The following PPL variants were observed in gnomAD, a reference collection of about 807,000 sequenced individuals.
The protein encoded by PPL is periplakin.
A neutral mutation model predicts 194.4 loss-of-function variants in PPL; 198 were observed. That is an observed-to-expected ratio of 1.02 (90% CI 0.91 to 1.15). The LOEUF (loss-of-function observed/expected upper bound fraction) is 1.15. Ranked by LOEUF, PPL falls within the 50% of genes most tolerant of loss-of-function variation. The pLI is 0.00. For synonymous variants in PPL, 1,220 were observed against 972.4 expected (o/e 1.25, Z -4.74); for missense variants, 2,885 against 2,294.8 (o/e 1.26, Z -5.25).
chr16:4,883,734 C>T lies in PPL; in HGVS notation c.4921G>A (p.Gly1641Ser). 1 of 1,614,030 alleles carries T rather than the reference C, an allele frequency of 6.2e-7. No individual in the cohort carries two copies. Among genetic ancestry groups the T allele is most frequent in the Non-Finnish European group, 8.5e-7 (1 of 1,180,026 alleles). ...TGCTCCCGCTTGACGGCCACGGAGCCCAGGCGCTTCTGCAGCTCGTCGATC... is the reference window on the plus strand; with the variant it reads ...TGCTCCCGCTTGACGGCCACGGAGCTCAGGCGCTTCTGCAGCTCGTCGATC... ...LEIDELQKRLGSVAVKREQRE... is the reference protein window; with the variant it reads ...LEIDELQKRLSSVAVKREQRE... The change falls in exon 22 of 22, where the codon GGC (glycine) becomes AGC (serine). Residue 1641 changes from glycine to serine, a missense_variant. Gly to Ser is a moderately conservative substitution (Grantham distance 56). Transcript: ENST00000345988. The surrounding 1 kb of genome is among the most constrained non-coding windows in gnomAD (Gnocchi z 4.8).
intron 6 of PPL, 91 bp from the exon 7 acceptor site, chr16:4,899,475 C>CTGGCCTGAGGACAAGCCCAGCTACGGG: frequency 2.8e-6 from 2 of 709,086 alleles, no homozygotes; most frequent in Non-Finnish European, 4.6e-6. Flanking sequence ...CCAGCTATGG[C>CTGGCCTGAGGACAAGCCCAGCTACGGG]TGGCCTGAGG....
At position 4,895,287 on chromosome 16, in the gene PPL, C is replaced by T. The variant is rs773092423; in HGVS notation, c.1216G>A (p.Ala406Thr). ...TGCTCCCCCTCAAAGTCACAGAGTG[C>T]CTCCACGGGGATGGGCTTGAGCGGA... ...ETPLKPIPVE[A>T]LCDFEGEQGL... Residue 406 changes from alanine (A) to threonine (T), a missense_variant, in exon 11 of 22, where the codon GCA becomes ACA. By Grantham distance (58) the Ala-to-Thr change is moderately conservative. Coordinates refer to ENST00000345988, the MANE Select transcript of PPL (RefSeq NM_002705.5). 38 of 1,610,356 alleles carry T rather than the reference C, an allele frequency of 2.4e-5. No individual in the cohort carries two copies. Among genetic ancestry groups the T allele is most frequent in the Non-Finnish European group, 3.1e-5 (37 of 1,178,290 alleles).
At position 4,893,390 on chromosome 16, in the gene PPL, ACAGG is replaced by A; in HGVS notation, c.1493-24_1493-21del. 6.2e-7 allele frequency: 1 copy of A among 1,602,984 alleles called. No individual in the cohort carries two copies. The highest frequency in any genetic ancestry group is 8.5e-7 in the Non-Finnish European group (1 of 1,178,490). ...AGGCATCTGTGGAGGGAGGGAGGACACAGGCAGGTGTGACAACGGGCCAGGGGTG... is the reference window on the plus strand; with the variant it reads ...AGGCATCTGTGGAGGGAGGGAGGACACAGGTGTGACAACGGGCCAGGGGTG... On this transcript the variant is annotated intron_variant, in intron 13 of 21. Transcript: ENST00000345988.
At chr16:4,918,158 T>C (rs1045915559) in intron 1 of PPL, among the ~76,000 whole-genome samples, 3 of 151,924 alleles carry the variant, frequency 2.0e-5, no homozygotes, top group African/African-American at 7.3e-5. Context: ...CCAGGCATGA[T>C]GGCAGGTACC....
At chr16:4,893,813 CTCT>C (rs1490579503) in intron 12 of PPL, 175 bp from the exon 13 acceptor site, 8 of 591,036 alleles carry the variant, frequency 1.4e-5, no homozygotes, top group Non-Finnish European at 2.4e-5. Flanking sequence ...GGGCTCAGAG[CTCT>C]TCTCCCTCCT....
At chr16:4,929,852 A>T (rs957504028) in intron 1 of PPL, among the ~76,000 whole-genome samples, 11 of 140,734 alleles carry the variant, frequency 7.8e-5, no homozygotes, top group Admixed American at 2.9e-4. Flanking sequence ...TGCCCAGCTA[A>T]TTTTTTTTTT....
At chr16:4,923,969 G>T (rs1049416085) in intron 1 of PPL, among the ~76,000 whole-genome samples, 1 of 152,178 alleles carries the variant, frequency 6.6e-6, no homozygotes, top group Non-Finnish European at 1.5e-5. Flanking sequence ...ATAACAGCAT[G>T]TATTACTCCA....
intron 1 of PPL, among the ~76,000 whole-genome samples, 186 bp from the exon 2 acceptor site, chr16:4,911,135 G>A (rs138148231): frequency 3.0e-3 from 451 of 150,206 alleles, no homozygotes; most frequent in African/African-American, 0.011. Flanking sequence ...ACAAGGCAGC[G>A]CCTGGCAGGC....
chr16:4,891,771 G>A, intron 16 of PPL, 40 bp downstream of exon 16: 1 of 1,574,670 alleles, frequency 6.4e-7, no homozygotes, highest in Non-Finnish European at 8.6e-7. Flanking sequence ...GCTCTCACCT[G>A]CTCAGAGAAG....
chr16:4,912,482 G>A (rs745559920), intron 1 of PPL, among the ~76,000 whole-genome samples: 37 of 152,226 alleles, frequency 2.4e-4, no homozygotes, highest in Non-Finnish European at 4.8e-4. Flanking sequence ...TCCACCTTTG[G>A]GCCATCGTGA....
intron 1 of PPL, among the ~76,000 whole-genome samples, chr16:4,930,035 G>C (rs1434453373): frequency 6.6e-6 from 1 of 152,098 alleles, no homozygotes; most frequent in African/African-American, 2.4e-5. Context: ...AGAGTAAGTG[G>C]AATTGCTCTG....
rs777331142 is a variant in PPL, at chr16:4,885,162, TCTC to T, written c.3490_3492del (p.Glu1164del). 95 of 1,613,906 alleles carry T rather than the reference TCTC, an allele frequency of 5.9e-5. 1 individual carries two copies. The highest frequency in any genetic ancestry group is 3.8e-4 in the South Asian group (35 of 91,086). On this transcript the variant is annotated inframe_deletion, in exon 22 of 22. Transcript: ENST00000345988. This position sits in a 1 kb window ranked among gnomAD's most constrained non-coding sequence, Gnocchi z 6.3. ...TTCTCCTGCACCACCACTTTGGCGT[TCTC>T]CTCCTCCAAGGCCCATATCTTTCGG...
intron 18 of PPL, 100 bp downstream of exon 18, chr16:4,890,081 CCTG>C (rs2088290357): frequency 6.4e-7 from 1 of 1,556,038 alleles, no homozygotes; most frequent in East Asian, 2.2e-5. Context: ...AGGCCTCTGC[CCTG>C]CTCCACCTCC....
At chr16:4,917,910 A>C (rs1185517109) in intron 1 of PPL, among the ~76,000 whole-genome samples, 1 of 151,636 alleles carries the variant, frequency 6.6e-6, no homozygotes, top group Non-Finnish European at 1.5e-5. Context: ...CTCAAAACAA[A>C]AACAAAAACA....
chr16:4,916,584 C>T (rs1436875772), intron 1 of PPL, among the ~76,000 whole-genome samples: 4 of 152,116 alleles, frequency 2.6e-5, no homozygotes, highest in Admixed American at 6.5e-5. Flanking sequence ...TAGCTCACTG[C>T]AGCCTTGACC....
intron 12 of PPL, 90 bp downstream of exon 12, chr16:4,894,377 C>G: frequency 1.3e-6 from 2 of 1,522,564 alleles, no homozygotes; most frequent in Admixed American, 3.8e-5. Context: ...TCCCCACAGG[C>G]TGAGTCCAAA....
chr16:4,919,839 G>C (rs1438396764), intron 1 of PPL, among the ~76,000 whole-genome samples: 3 of 152,172 alleles, frequency 2.0e-5, no homozygotes, highest in African/African-American at 2.4e-5. Flanking sequence ...TTAGGTGGGA[G>C]AATCGCTTGA....
chr16:4,899,273 C>T lies in PPL; in HGVS notation c.718G>A (p.Asp240Asn), dbSNP rs147518278. ...DQQAKGRMQY[D>N]WSDRNLDYPS... ...TAGTCGAGGTTGCGGTCACTCCAGT[C>T]GTACTGCATGCGGCCCTTGGCCTGC... The change falls in exon 7 of 22, where the codon GAC (aspartate) becomes AAC (asparagine). Residue 240 changes from aspartate to asparagine, a missense_variant. By Grantham distance (23) the Asp-to-Asn change is conservative (BLOSUM62 1). Transcript: ENST00000345988. The T allele has an allele frequency of 5.6e-5, 90 of 1,613,876 alleles. 1 individual carries two copies. In the South Asian group the frequency reaches 6.9e-4, roughly 12 times the overall value.
chr16:4,904,876 A>G (rs1041475407), intron 2 of PPL, among the ~76,000 whole-genome samples: 5 of 152,156 alleles, frequency 3.3e-5, no homozygotes, highest in Non-Finnish European at 7.4e-5. Context: ...AAGAAGGAAC[A>G]GAGCCGGGGG....
Sources: gnomAD v4.1 joint callset for allele counts (sites outside exome capture counted in the v4.1 genomes callset) on GRCh38, gnomAD v4.1.1 for gene constraint, Gnocchi (gnomAD v3.1) non-coding constraint, MANE v1.5 for transcripts, NCBI Gene and HGNC (gene_info 2026-07-23, HGNC 2026-07-21) for gene names.